Variants in BRCA2 observed in about 807,000 individuals in gnomAD.
BRCA2 encodes breast cancer type 2 susceptibility protein.
A neutral mutation model predicts 276.7 loss-of-function variants in BRCA2; 203 were observed. The observed-to-expected ratio is 0.73, with a 90% confidence interval of 0.65 to 0.82. The LOEUF is 0.82. BRCA2 is among the 40% of genes least tolerant of loss of function. The pLI, the probability that BRCA2 is intolerant of heterozygous loss-of-function variation, is 0.00. For synonymous variants in BRCA2, 1,289 were observed against 1,338.4 expected (o/e 0.96, Z 0.81); for missense variants, 3,920 against 3,915.0 (o/e 1.00, Z -0.03).
intron 24 of BRCA2, among the ~76,000 whole-genome samples, chr13:32,384,483 G>T (rs1228323763): frequency 6.6e-6 from 1 of 152,200 alleles, no homozygotes; most frequent in Non-Finnish European, 1.5e-5. Context: ...TTTAATTTTT[G>T]TGTGTTTATA....
chr13:32,341,539 A>G (rs1033653582), intron 11 of BRCA2, among the ~76,000 whole-genome samples: 2 of 152,218 alleles, frequency 1.3e-5, no homozygotes, highest in African/African-American at 2.4e-5. Flanking sequence ...AACTCTTAAC[A>G]AAACCTGCAT....
intron 24 of BRCA2, 37 bp from the exon 25 acceptor site, chr13:32,394,652 T>A (rs2137651512): frequency 6.3e-7 from 1 of 1,598,780 alleles, no homozygotes; most frequent in Non-Finnish European, 8.5e-7. Context: ...ATCTAACACA[T>A]CTATAATAAC....
intron 9 of BRCA2, 27 bp downstream of exon 9, chr13:32,331,057 A>G (rs2137462477): frequency 6.6e-7 from 1 of 1,508,840 alleles, no homozygotes; most frequent in Non-Finnish European, 9.2e-7. Flanking sequence ...GTTGAACTAC[A>G]GGTTTTTTTG....
intron 17 of BRCA2, 37 bp from the exon 18 acceptor site, chr13:32,363,142 C>A: frequency 6.5e-7 from 1 of 1,542,934 alleles, no homozygotes; most frequent in Non-Finnish European, 8.9e-7. Flanking sequence ...TCTAGAGTCA[C>A]ACTTCCTAAA....
rs565655646 is a variant in BRCA2, at chr13:32,366,777, G to A, written c.8331+3244G>A. On this transcript the variant is annotated intron_variant, in intron 18 of 26. Transcript: ENST00000380152. The stretch of plus-strand genomic sequence containing the variant: ...GTAGAGGTTGCAGTGAGCCAAGGTC[G>A]CACCACTGCACTCCAGCCTGGGCGA... 2.1e-4 allele frequency among the ~76,000 whole-genome samples: 31 copies of A among 149,572 alleles called. No individual in the cohort carries two copies. The South Asian group carries it at 2.3e-3, about 11-fold the overall frequency.
Position 32,340,334 on chromosome 13 carries a change from A to G in BRCA2, c.5979A>G (p.Leu1993=), listed in dbSNP as rs773999877. ...CTGTCCAGGTATCAGATGCTTCATT[A>G]CAAAACGCAAGACAAGTGTTTTCTG... ...GKSVQVSDAS[L]QNARQVFSEI... The change falls in exon 11 of 27, where the codon TTA becomes TTG. Residue 1993 remains leucine (L), a synonymous_variant. Coordinates refer to ENST00000380152, the MANE Select transcript of BRCA2 (RefSeq NM_000059.4). The G allele has an allele frequency of 3.7e-6, 6 of 1,614,088 alleles. No homozygotes were observed. The highest frequency in any genetic ancestry group is 5.1e-6 in the Non-Finnish European group (6 of 1,179,964).
Position 32,339,912 on chromosome 13 carries a change from T to C in BRCA2, c.5557T>C (p.Cys1853Arg), listed in dbSNP as rs1238686039. ...TAGGATAGCCAGTGGTAAAATCGTT[T>C]GTGTTTCACATGAAACAATTAAAAA... is the stretch of plus-strand genomic sequence containing the variant. The part of the protein sequence containing the change: ...AFRIASGKIV[C>R]VSHETIKKVK... Residue 1853 changes from cysteine to arginine, a missense_variant, in exon 11 of 27, where the codon TGT (cysteine) becomes CGT (arginine). Transcript: ENST00000380152. 6.2e-7 allele frequency: 1 copy of C among 1,608,470 alleles called. No homozygotes were observed. The highest frequency in any genetic ancestry group is 1.1e-5 in the South Asian group (1 of 90,230).
rs587782223 is a variant in BRCA2, at chr13:32,337,335, G to A, written c.2980G>A (p.Ala994Thr). ...AAATAATGATTACATGAACAAATGGGCAGGACTCTTAGGTCCAATTTCAAA... is the reference window on the plus strand; with the variant it reads ...AAATAATGATTACATGAACAAATGGACAGGACTCTTAGGTCCAATTTCAAA... Reference protein sequence around the residue: ...EKNNDYMNKWAGLLGPISNHS... With the variant: ...EKNNDYMNKWTGLLGPISNHS... The change falls in exon 11 of 27, where the codon GCA becomes ACA. Residue 994 changes from alanine to threonine, a missense_variant. Around this residue, in one of 2 missense-constraint regions of BRCA2, gnomAD observed 3,263 missense variants for 3,156.9 expected, o/e 1.03. Transcript: ENST00000380152. The A allele has an allele frequency of 1.9e-6, 3 of 1,613,608 alleles. No individual in the cohort carries two copies. Among genetic ancestry groups the A allele is most frequent in the Non-Finnish European group, 2.5e-6 (3 of 1,179,888 alleles).
At chr13:32,362,312 G>A (rs573168997) in intron 16 of BRCA2, among the ~76,000 whole-genome samples, 1 of 152,332 alleles carries the variant, frequency 6.6e-6, no homozygotes, top group South Asian at 2.1e-4. Flanking sequence ...GTATAGGCAT[G>A]AGCCACCATG....
intron 10 of BRCA2, among the ~76,000 whole-genome samples, chr13:32,334,353 CTACT>C (rs1041813233): frequency 6.6e-6 from 1 of 151,996 alleles, no homozygotes; most frequent in African/African-American, 2.4e-5. Context: ...ATATGTGGTG[CTACT>C]TACTATGTAT....
intron 13 of BRCA2, among the ~76,000 whole-genome samples, chr13:32,352,768 A>G (rs1260114499): frequency 6.6e-6 from 1 of 152,200 alleles, no homozygotes; most frequent in East Asian, 1.9e-4. Flanking sequence ...GGTGTTTTAG[A>G]AGTATACCAA....
intron 20 of BRCA2, among the ~76,000 whole-genome samples, chr13:32,371,724 A>T (rs866184706): frequency 6.6e-6 from 1 of 152,200 alleles, no homozygotes; most frequent in Admixed American, 6.6e-5. Flanking sequence ...TCACAGGCAT[A>T]CCTCAGAGAT....
In BRCA2 at chr13:32,332,959, T is replaced by G; in HGVS notation, c.1481T>G (p.Val494Gly). ...VKQAISGTSP[V>G]ASSFQGIKKS... ...CAGGCAATATCTGGAACTTCTCCAG[T>G]GGCTTCTTCATTTCAGGGTATCAAA... The change falls in exon 10 of 27, where the codon GTG (valine) becomes GGG (glycine). Residue 494 changes from valine (V) to glycine (G), a missense_variant. Val to Gly is a moderately radical substitution (Grantham distance 109). This residue lies in a region of BRCA2 where 3,263 missense variants were observed against 3,156.9 expected (regional missense o/e 1.03). Coordinates refer to ENST00000380152, the MANE Select transcript of BRCA2 (RefSeq NM_000059.4). 1 of 1,601,358 alleles carries G rather than the reference T, an allele frequency of 6.2e-7. No homozygotes were observed. Among genetic ancestry groups the G allele is most frequent in the Non-Finnish European group, 8.5e-7 (1 of 1,177,088 alleles).
chr13:32,389,139 A>G (rs895041179), intron 24 of BRCA2, among the ~76,000 whole-genome samples: 1 of 152,196 alleles, frequency 6.6e-6, no homozygotes, highest in Non-Finnish European at 1.5e-5. Context: ...ACTAGTATCA[A>G]TATTCTACCA....
rs111420131 is a variant in BRCA2 at position 32,356,108 on chromosome 13, C to G, written c.7436-320C>G. ...CCCAGGCTGGAGTGCAATGGTGCAA[C>G]CTCGGCTCACCGCAACCTCCTCCTC... On this transcript the variant is annotated intron_variant, in intron 14 of 26. Transcript: ENST00000380152. Among the ~76,000 whole-genome samples, 189 of 150,940 alleles carry G rather than the reference C, an allele frequency of 1.3e-3. 2 individuals are homozygous for G. Among genetic ancestry groups the G allele is most frequent in the African/African-American group, 4.3e-3 (177 of 41,226 alleles).
chr13:32,324,687 G>A (rs2072330671), intron 3 of BRCA2, among the ~76,000 whole-genome samples: 1 of 152,074 alleles, frequency 6.6e-6, no homozygotes, highest in Non-Finnish European at 1.5e-5. Context: ...TCCCAGGCTG[G>A]AATACAGTGG....
Position 32,338,222 on chromosome 13 carries a change from A to C in BRCA2, c.3867A>C (p.Lys1289Asn). 6.5e-7 allele frequency: 1 copy of C among 1,538,168 alleles called. No individual in the cohort carries two copies. The highest frequency in any genetic ancestry group is 8.8e-7 in the Non-Finnish European group (1 of 1,139,854). The part of the protein sequence containing the change: ...NDKTVSEKNN[K>N]CQLILQNNIE... ...AAACTGTAAGTGAAAAAAATAATAA[A>C]TGCCAACTGATATTACAAAATAATA... The change falls in exon 11 of 27, where the codon AAA becomes AAC. Residue 1289 changes from lysine to asparagine, a missense_variant. Physicochemically the swap from Lys to Asn is moderately conservative, Grantham distance 94. This residue lies in a region of BRCA2 where 3,263 missense variants were observed against 3,156.9 expected (regional missense o/e 1.03). Coordinates refer to ENST00000380152, the MANE Select transcript of BRCA2 (RefSeq NM_000059.4).
intron 24 of BRCA2, chr13:32,385,716 A>G (rs1593195962): frequency 1.0e-5 from 2 of 191,762 alleles, no homozygotes; most frequent in Non-Finnish European, 1.1e-5. Flanking sequence ...AACTGGCAGG[A>G]AAGTATATAG....
chr13:32,329,371 T>G, intron 7 of BRCA2, 72 bp from the exon 8 acceptor site: 1 of 1,066,428 alleles, frequency 9.4e-7, no homozygotes, highest in Non-Finnish European at 1.4e-6. Context: ...ATGTGCTTTT[T>G]GATGTCTGAC....
Sources: gnomAD v4.1 joint callset for allele counts (sites outside exome capture counted in the v4.1 genomes callset) on GRCh38, gnomAD v4.1.1 for gene constraint, gnomAD v4.1.1 regional missense constraint, MANE v1.5 for transcripts, NCBI Gene and HGNC (gene_info 2026-07-23, HGNC 2026-07-21) for gene names.